ARIH2: variants seen among roughly 807,000 people sequenced by gnomAD.
ARIH2 encodes ariadne RBR E3 ubiquitin protein ligase 2.
ARIH2 carries 12 observed loss-of-function variants against 79.8 expected under a neutral mutation model. The observed-to-expected ratio is 0.15, with a 90% CI of 0.10 to 0.24. The LOEUF is 0.24. Ranked by LOEUF, ARIH2 falls within the 10% of genes least tolerant of loss-of-function variation. The pLI is 1.00. For missense variants in ARIH2, 301 were observed against 618.3 expected (o/e 0.49, Z 5.44); for synonymous variants, 224 against 213.9 (o/e 1.05, Z -0.41).
chr3:48,981,735 C>G lies in ARIH2; in HGVS notation c.1326+7C>G. ...CGGACCCAGGAAGAAGCTGGTAAGG[C>G]AAAGCAATTTTTCTACTCTGTCCCG... On this transcript the variant is annotated splice_region_variant and intron_variant, in intron 14 of 15. Transcript: ENST00000356401. 1 of 1,611,672 alleles carries G rather than the reference C, an allele frequency of 6.2e-7. No homozygotes were observed. The highest frequency in any genetic ancestry group is 8.5e-7 in the Non-Finnish European group (1 of 1,177,954).
chr3:48,958,636 G>A (rs1035606279), intron 3 of ARIH2, among the ~76,000 whole-genome samples: 3 of 152,002 alleles, frequency 2.0e-5, no homozygotes, highest in African/African-American at 4.8e-5. Context: ...TTGAACCCGG[G>A]AGGCAGAGGT....
chr3:48,938,079 C>T (rs1432643042), intron 3 of ARIH2, among the ~76,000 whole-genome samples: 2 of 150,272 alleles, frequency 1.3e-5, no homozygotes, highest in East Asian at 3.9e-4. Context: ...GTTCTATGTC[C>T]TTTTTGATGA....
intron 7 of ARIH2, among the ~76,000 whole-genome samples, chr3:48,969,733 C>T (rs1470602361): frequency 6.6e-6 from 1 of 152,012 alleles, no homozygotes; most frequent in East Asian, 1.9e-4. Flanking sequence ...AAGCCATTCA[C>T]CCGATGCAGC....
intron 1 of ARIH2, among the ~76,000 whole-genome samples, chr3:48,920,858 C>G (rs2084715621): frequency 1.7e-5 from 1 of 59,782 alleles, no homozygotes. Flanking sequence ...GAGCCGAGAT[C>G]GCGCCACTGC....
chr3:48,959,315 CAAAA>C (rs572436218), intron 3 of ARIH2, among the ~76,000 whole-genome samples: 1 of 82,790 alleles, frequency 1.2e-5, no homozygotes, highest in African/African-American at 4.3e-5. Context: ...GACTCCATCT[CAAAA>C]AAAAAAAAAA....
intron 13 of ARIH2, among the ~76,000 whole-genome samples, chr3:48,981,185 C>T (rs559913230): frequency 1.3e-5 from 2 of 151,716 alleles, no homozygotes; most frequent in East Asian, 1.9e-4. Flanking sequence ...TACAAACGTT[C>T]GCCTGGTGTG....
intron 3 of ARIH2, among the ~76,000 whole-genome samples, chr3:48,946,453 T>G (rs992932469): frequency 4.0e-5 from 6 of 150,326 alleles, no homozygotes; most frequent in Non-Finnish European, 1.5e-5. Flanking sequence ...CATTTTAGAG[T>G]TTCAGTCAAA....
chr3:48,966,574 T>G (rs1387945534), intron 5 of ARIH2, among the ~76,000 whole-genome samples: 1 of 152,164 alleles, frequency 6.6e-6, no homozygotes, highest in Non-Finnish European at 1.5e-5. Flanking sequence ...GAGTTGTAAC[T>G]TGGTAAAGGC....
intron 3 of ARIH2, among the ~76,000 whole-genome samples, chr3:48,941,842 C>CA (rs1354073475): frequency 6.6e-6 from 1 of 151,544 alleles, no homozygotes; most frequent in East Asian, 1.9e-4. Context: ...CTCGGCCTCC[C>CA]AAAGTGCTGA....
intron 3 of ARIH2, among the ~76,000 whole-genome samples, chr3:48,937,955 G>C (rs867423617): frequency 7.3e-5 from 11 of 151,250 alleles, no homozygotes; most frequent in Middle Eastern, 3.4e-3. Flanking sequence ...GCTGAGGCAG[G>C]AGAATGGCGT....
chr3:48,925,209 G>A (rs1023000263), intron 2 of ARIH2: 3 of 151,710 alleles, frequency 2.0e-5, no homozygotes, highest in Non-Finnish European at 2.9e-5. Flanking sequence ...CGCCTCCCGG[G>A]TTCACACCAT....
rs1465108409 is a variant in ARIH2 at position 48,986,305 on chromosome 3, CAT to C, written c.*3037_*3038del. 6.6e-6 allele frequency: 1 copy of C among 152,194 alleles called. No individual in the cohort carries two copies. The highest frequency in any genetic ancestry group is 1.5e-5 in the Non-Finnish European group (1 of 68,066). The allele number at this position is 152,194 out of a possible 1,614,324, so 9.4% of individuals were successfully genotyped here. ...CCAGGAGCTTCCAATCCATGGGGAACATAGAAGGAATTGATCACTAGTGAATG... is the reference window on the plus strand; with the variant it reads ...CCAGGAGCTTCCAATCCATGGGGAACAGAAGGAATTGATCACTAGTGAATG... On this transcript the variant is annotated 3_prime_UTR_variant, in exon 16 of 16. Transcript: ENST00000356401.
In ARIH2 at chr3:48,978,853, C is replaced by T. The variant is rs530788915; in HGVS notation, c.962-629C>T. 1.4e-4 allele frequency among the ~76,000 whole-genome samples: 21 copies of T among 151,258 alleles called. No homozygotes were observed. The South Asian group carries it at 2.3e-3, about 17-fold the overall frequency. ...GCAGGCACCTGTAGTCCCAGCTACTCGGGAGGCTGAGGCAAGAGAATCGCT... is the reference window on the plus strand; with the variant it reads ...GCAGGCACCTGTAGTCCCAGCTACTTGGGAGGCTGAGGCAAGAGAATCGCT... On this transcript the variant is annotated intron_variant, in intron 11 of 15. Transcript: ENST00000356401.
intron 3 of ARIH2, 106 bp downstream of exon 3, chr3:48,927,919 G>A (rs2085856551): frequency 7.2e-7 from 1 of 1,386,028 alleles, no homozygotes; most frequent in Non-Finnish European, 9.8e-7. Flanking sequence ...CTTGTAGCTT[G>A]AAACCAAATT....
chr3:48,973,849 C>T (rs1437184942), intron 9 of ARIH2, 33 bp downstream of exon 9: 2 of 1,520,958 alleles, frequency 1.3e-6, no homozygotes, highest in East Asian at 2.3e-5. Context: ...CATGGATTTG[C>T]CCTCCTTAGT....
chr3:48,978,974 A>G (rs2092656371), intron 11 of ARIH2, among the ~76,000 whole-genome samples: 1 of 152,152 alleles, frequency 6.6e-6, no homozygotes, highest in Non-Finnish European at 1.5e-5. Context: ...AAAAAAAAGA[A>G]AAAGAAAAAT....
intron 6 of ARIH2, 189 bp from the exon 7 acceptor site, chr3:48,968,345 C>T (rs1162013208): frequency 9.9e-6 from 4 of 402,030 alleles, no homozygotes; most frequent in Non-Finnish European, 1.9e-5. Flanking sequence ...GTAGCTGGGA[C>T]TACAGGCGCC....
chr3:48,971,236 T>C (rs1180445101), intron 8 of ARIH2, among the ~76,000 whole-genome samples: 1 of 152,162 alleles, frequency 6.6e-6, no homozygotes, highest in African/African-American at 2.4e-5. Flanking sequence ...ATGACCCTTA[T>C]ATTCTCTCTT....
chr3:48,983,184 G>C lies in ARIH2; in HGVS notation c.1411-15G>C. 1 of 1,614,246 alleles carries C rather than the reference G, an allele frequency of 6.2e-7. No individual in the cohort carries two copies. The highest frequency in any genetic ancestry group is 1.1e-5 in the South Asian group (1 of 91,090). On this transcript the variant is annotated splice_polypyrimidine_tract_variant and intron_variant, in intron 15 of 15. Transcript: ENST00000356401. ...CCTGGGCCATGCAAGCACACACCTT[G>C]TTTCTCTGATGCAGGACTTGGAGAA...
Sources: allele counts gnomAD v4.1 joint callset (sites outside exome capture counted in the v4.1 genomes callset), GRCh38; gene constraint gnomAD v4.1.1; transcripts MANE v1.5; gene names NCBI Gene and HGNC (gene_info 2026-07-23, HGNC 2026-07-21).